ERC2: variants seen among roughly 807,000 people sequenced by gnomAD.
ERC2 encodes ELKS/RAB6-interacting/CAST family member 2.
In ERC2, 42 loss-of-function variants were observed where a neutral mutation model predicts 114.8. The ratio of observed to expected loss-of-function variants is 0.37; its 90% CI spans 0.29 to 0.47. The LOEUF is 0.47. ERC2 is among the 20% of genes least tolerant of loss of function. ERC2 has a pLI of 0.99. For missense variants in ERC2, 939 were observed against 1,150.7 expected, an observed-to-expected ratio of 0.82 and a Z score of 2.66; for synonymous variants, 454 against 425.5, an observed-to-expected ratio of 1.07 and a Z score of -0.82.
intron 8 of ERC2, among the ~76,000 whole-genome samples, chr3:56,018,201 G>A (rs1350409432): frequency 1.3e-5 from 2 of 152,066 alleles, no homozygotes; most frequent in Admixed American, 1.3e-4. Flanking sequence ...ATCCACTGAG[G>A]TGGCTACTAT....
intron 14 of ERC2, among the ~76,000 whole-genome samples, chr3:55,772,484 T>G (rs1009665970): frequency 4.6e-5 from 7 of 152,090 alleles, no homozygotes; most frequent in East Asian, 1.9e-4. Context: ...CTGGCTAAAT[T>G]TTTTGTATTT....
chr3:56,135,100 G>A (rs1458091421), intron 6 of ERC2, among the ~76,000 whole-genome samples: 7 of 151,754 alleles, frequency 4.6e-5, no homozygotes, highest in Admixed American at 1.3e-4. Context: ...CTACAGGCCC[G>A]TACCACCACG....
intron 3 of ERC2, among the ~76,000 whole-genome samples, chr3:56,194,184 G>T (rs1414805816): frequency 6.6e-6 from 1 of 152,008 alleles, no homozygotes; most frequent in Admixed American, 6.6e-5. Flanking sequence ...AAGAGTGAAA[G>T]AATAGAACTA....
intron 17 of ERC2, among the ~76,000 whole-genome samples, chr3:55,604,934 C>A (rs1005369777): frequency 2.0e-5 from 3 of 152,122 alleles, no homozygotes; most frequent in African/African-American, 7.2e-5. Context: ...TTGTTGGACT[C>A]CATCTACAGA....
At chr3:55,593,093 G>T (rs913876875) in intron 17 of ERC2, among the ~76,000 whole-genome samples, 1 of 152,202 alleles carries the variant, frequency 6.6e-6, no homozygotes, top group Admixed American at 6.5e-5. Context: ...AGAGCACAAT[G>T]ATAGGTTAAC....
rs1052544383 is a variant in ERC2, at chr3:55,832,500, T to A, written c.2564+55889A>T. ...GCTGCGGATACCCAGGCAAACAGGG[T>A]CTGGAGTGGACCTCTAGCAAACTCC... is the stretch of plus-strand genomic sequence containing the variant. On this transcript the variant is annotated intron_variant, in intron 14 of 17. Coordinates refer to ENST00000288221, the MANE Select transcript of ERC2 (RefSeq NM_015576.3). 1.8e-4 allele frequency among the ~76,000 whole-genome samples: 28 copies of A among 152,256 alleles called. No individual in the cohort carries two copies. The East Asian group carries it at 5.2e-3, about 28-fold the overall frequency.
chr3:56,032,550 G>T (rs2074433904), intron 7 of ERC2, among the ~76,000 whole-genome samples: 1 of 151,930 alleles, frequency 6.6e-6, no homozygotes, highest in Admixed American at 6.5e-5. Flanking sequence ...GAAGCCAAAA[G>T]AATCCCAAAT....
At chr3:55,695,089 T>C (rs982968746) in intron 16 of ERC2, among the ~76,000 whole-genome samples, 1 of 152,214 alleles carries the variant, frequency 6.6e-6, no homozygotes, top group South Asian at 2.1e-4. Flanking sequence ...AGATGCTATT[T>C]AAAGAAAATG....
At chr3:55,949,300 G>A (rs1383421165) in intron 13 of ERC2, among the ~76,000 whole-genome samples, 1 of 152,110 alleles carries the variant, frequency 6.6e-6, no homozygotes, top group East Asian at 1.9e-4. Flanking sequence ...AACCCGGGAG[G>A]TGGAGCTTGC....
chr3:56,427,357 C>T (rs1033842999), intron 2 of ERC2, among the ~76,000 whole-genome samples: 1 of 152,118 alleles, frequency 6.6e-6, no homozygotes, highest in African/African-American at 2.4e-5. Flanking sequence ...AACTCCTGGA[C>T]TCAAGCAATC....
rs144206047 is a variant in ERC2 at position 55,765,795 on chromosome 3, C to T, written c.2565-30877G>A. On this transcript the variant is annotated intron_variant, in intron 14 of 17. Transcript: ENST00000288221. Reference sequence around the variant, plus strand: ...AATCTTGTCCACGTCTGTAACGTCTCTATTCCCTGCCTGCTCAGGTGAGTT... The same window carrying T: ...AATCTTGTCCACGTCTGTAACGTCTTTATTCCCTGCCTGCTCAGGTGAGTT... Among the ~76,000 whole-genome samples the T allele has an allele frequency of 3.5e-3, 535 of 152,318 alleles. 2 individuals are homozygous for T. Among genetic ancestry groups the T allele is most frequent in the African/African-American group, 0.012 (485 of 41,558 alleles).
At chr3:56,074,351 G>A (rs1311852987) in intron 7 of ERC2, among the ~76,000 whole-genome samples, 1 of 152,116 alleles carries the variant, frequency 6.6e-6, no homozygotes, top group Non-Finnish European at 1.5e-5. Context: ...AAATCATTTA[G>A]TGCAGTGTCT....
At chr3:55,884,324 G>T (rs6763408) in intron 14 of ERC2, among the ~76,000 whole-genome samples, 18,379 of 152,084 alleles carry the variant, frequency 0.12, 1,484 homozygotes, top group African/African-American at 0.23. Context: ...TTGCAAAATA[G>T]GCAAGTACAG....
At chr3:55,584,512 A>G (rs575713845) in intron 17 of ERC2, among the ~76,000 whole-genome samples, 3 of 151,492 alleles carry the variant, frequency 2.0e-5, no homozygotes, top group South Asian at 4.2e-4. Flanking sequence ...TTCCACTTAG[A>G]TGAGGTTCTA....
intron 3 of ERC2, among the ~76,000 whole-genome samples, chr3:56,254,582 A>G (rs2123178): frequency 0.45 from 68,414 of 151,946 alleles, 15,647 homozygotes; most frequent in Middle Eastern, 0.49. Context: ...CATTTGCACA[A>G]TCATTCATTC....
intron 8 of ERC2, among the ~76,000 whole-genome samples, chr3:56,018,435 AAGG>A (rs2073457369): frequency 6.6e-6 from 1 of 152,148 alleles, no homozygotes; most frequent in Admixed American, 6.5e-5. Flanking sequence ...CTGAGGCAGG[AAGG>A]AGTATGGTAC....
At chr3:56,032,909 A>AAGAAAGAAAGAGAGAGAGAGAGAC (rs2074474976) in intron 7 of ERC2, among the ~76,000 whole-genome samples, 5 of 56,866 alleles carry the variant, frequency 8.8e-5, no homozygotes, top group African/African-American at 1.1e-4. Flanking sequence ...GACAGAAAGA[A>AAGAAAGAAAGAGAGAGAGAGAGAC]AGAAAGAAAG....
intron 17 of ERC2, among the ~76,000 whole-genome samples, chr3:55,622,385 T>G (rs1328089649): frequency 6.6e-6 from 1 of 152,160 alleles, no homozygotes; most frequent in Non-Finnish European, 1.5e-5. Flanking sequence ...TAATGGTCTT[T>G]TATCAATGTG....
intron 8 of ERC2, among the ~76,000 whole-genome samples, chr3:56,016,926 T>C (rs1190585145): frequency 6.6e-6 from 1 of 152,154 alleles, no homozygotes; most frequent in Non-Finnish European, 1.5e-5. Flanking sequence ...ATTACTCTAG[T>C]AGGGCATCCC....
Sources: allele counts gnomAD v4.1 joint callset (sites outside exome capture counted in the v4.1 genomes callset), GRCh38; gene constraint gnomAD v4.1.1; transcripts MANE v1.5; gene names NCBI Gene and HGNC (gene_info 2026-07-23, HGNC 2026-07-21).